The following CEP128 variants were observed in gnomAD, a reference collection of about 807,000 sequenced individuals.
CEP128 encodes the protein centrosomal protein 128kDa.
In CEP128, 132 loss-of-function variants were observed where a neutral mutation model predicts 156.7. That is an observed-to-expected ratio of 0.84 (90% CI 0.73 to 0.97). The LOEUF is 0.97. Ranked by LOEUF, CEP128 falls within the 50% of genes least tolerant of loss-of-function variation. The pLI is 0.00. For missense variants in CEP128, 1,252 were observed against 1,281.9 expected (o/e 0.98, Z 0.36); for synonymous variants, 469 against 448.9 (o/e 1.04, Z -0.57).
intron 19 of CEP128, among the ~76,000 whole-genome samples, chr14:80,673,525 A>C (rs8020240): frequency 0.38 from 53,576 of 140,398 alleles, 12,567 homozygotes; most frequent in Non-Finnish European, 0.5. Context: ...GGGCGCCTGT[A>C]GTCCCAGCTA....
chr14:80,738,047 G>C (rs771224967), intron 19 of CEP128, among the ~76,000 whole-genome samples: 13 of 152,090 alleles, frequency 8.5e-5, no homozygotes, highest in Non-Finnish European at 1.6e-4. Flanking sequence ...TTCCTGTTTT[G>C]GGACTAAAGG....
intron 20 of CEP128, among the ~76,000 whole-genome samples, chr14:80,574,831 A>G (rs1439370480): frequency 6.6e-6 from 1 of 152,126 alleles, no homozygotes; most frequent in Non-Finnish European, 1.5e-5. Flanking sequence ...TTGAGGTGAC[A>G]AAAACAAAAT....
chr14:80,735,073 T>G (rs1898465907), intron 19 of CEP128, among the ~76,000 whole-genome samples: 2 of 152,232 alleles, frequency 1.3e-5, no homozygotes, highest in Non-Finnish European at 2.9e-5. Flanking sequence ...CCAAAACAAC[T>G]TCTTCTTGGT....
At chr14:80,948,515 A>G (rs1566732231) in intron 2 of CEP128, among the ~76,000 whole-genome samples, 1 of 152,230 alleles carries the variant, frequency 6.6e-6, no homozygotes, top group East Asian at 1.9e-4. Flanking sequence ...ATAACTAATC[A>G]ATAAAGAGGT....
intron 2 of CEP128, among the ~76,000 whole-genome samples, chr14:80,950,995 A>T (rs1886454023): frequency 6.6e-6 from 1 of 152,114 alleles, no homozygotes; most frequent in Admixed American, 6.6e-5. Context: ...GCAACAAGAA[A>T]ATGAAGCAAT....
chr14:80,624,746 C>A (rs999822372), intron 19 of CEP128, among the ~76,000 whole-genome samples: 13 of 151,870 alleles, frequency 8.6e-5, no homozygotes, highest in African/African-American at 2.9e-4. Flanking sequence ...CTACTCAGAC[C>A]CTTGGCCCAT....
downstream of CEP128, among the ~76,000 whole-genome samples, chr14:80,491,545 G>A (rs929241371): frequency 6.6e-6 from 1 of 152,136 alleles, no homozygotes; most frequent in African/African-American, 2.4e-5. Flanking sequence ...CATTATGATG[G>A]GAAGTTTCAA....
chr14:80,677,320 G>T (rs140271099), intron 19 of CEP128, among the ~76,000 whole-genome samples: 33 of 152,072 alleles, frequency 2.2e-4, no homozygotes, highest in African/African-American at 7.2e-4. Flanking sequence ...GACCAGCCTG[G>T]CCAACATGGT....
intron 8 of CEP128, among the ~76,000 whole-genome samples, chr14:80,890,851 T>C (rs922751542): frequency 2.0e-5 from 3 of 151,956 alleles, no homozygotes; most frequent in African/African-American, 7.3e-5. Flanking sequence ...AACAACTCTA[T>C]AGGAAAAGAT....
intron 19 of CEP128, among the ~76,000 whole-genome samples, chr14:80,620,263 G>C (rs1893422339): frequency 6.6e-6 from 1 of 152,134 alleles, no homozygotes; most frequent in Admixed American, 6.5e-5. Flanking sequence ...GACAGGATGA[G>C]AAATTCCAAC....
chr14:80,930,830 A>G (rs1885418665), intron 2 of CEP128, among the ~76,000 whole-genome samples: 1 of 152,258 alleles, frequency 6.6e-6, no homozygotes, highest in Non-Finnish European at 1.5e-5. Flanking sequence ...GGCTAACCAC[A>G]TTGCTAAAGC....
At chr14:80,608,766 A>G (rs1566808766) in intron 19 of CEP128, among the ~76,000 whole-genome samples, 1 of 152,310 alleles carries the variant, frequency 6.6e-6, no homozygotes, top group East Asian at 1.9e-4. Context: ...AAGCTTTCCC[A>G]CGTGGGGTTA....
intron 22 of CEP128, among the ~76,000 whole-genome samples, chr14:80,529,570 T>C (rs1889132096): frequency 1.3e-5 from 2 of 152,194 alleles, no homozygotes; most frequent in African/African-American, 2.4e-5. Context: ...TATCTATTTC[T>C]CAGTGACAAG....
Position 80,899,980 on chromosome 14 carries a change from C to T in CEP128, c.530G>A (p.Arg177His), listed in dbSNP as rs561372195. 3.0e-5 allele frequency: 48 copies of T among 1,613,582 alleles called. No homozygotes were observed. Among genetic ancestry groups the T allele is most frequent in the East Asian group, 2.9e-4 (13 of 44,844 alleles). Residue 177 changes from arginine to histidine, a missense_variant, in exon 7 of 25, where the codon CGC becomes CAC. Arg to His is a conservative substitution (Grantham distance 29). Coordinates refer to ENST00000555265, the MANE Select transcript of CEP128 (RefSeq NM_152446.5). ...SLRDLSSEQI[R>H]LGDDFNRELS... ...CTCCCTGTTGAAATCATCTCCAAGG[C>T]GAATTTGTTCACTGCTGAGGTCTCG... is the stretch of plus-strand genomic sequence containing the variant.
chr14:80,737,261 A>C (rs1038774211), intron 19 of CEP128, among the ~76,000 whole-genome samples: 6 of 152,000 alleles, frequency 3.9e-5, no homozygotes, highest in African/African-American at 1.4e-4. Context: ...AAAATTAGCC[A>C]GGCGTGGTGG....
At chr14:80,922,481 TAAA>T (rs1159364769) in intron 2 of CEP128, among the ~76,000 whole-genome samples, 1 of 152,194 alleles carries the variant, frequency 6.6e-6, no homozygotes, top group Non-Finnish European at 1.5e-5. Flanking sequence ...ATGACTCACT[TAAA>T]GAAACATTCT....
At chr14:80,827,948 T>C (rs1388977287) in intron 13 of CEP128, among the ~76,000 whole-genome samples, 1 of 152,006 alleles carries the variant, frequency 6.6e-6, no homozygotes, top group Non-Finnish European at 1.5e-5. Flanking sequence ...TATGAGCCAG[T>C]CTCCTGGGTC....
At chr14:80,550,227 GA>G (rs1291983964) in intron 21 of CEP128, among the ~76,000 whole-genome samples, 1 of 152,162 alleles carries the variant, frequency 6.6e-6, no homozygotes, top group Non-Finnish European at 1.5e-5. Flanking sequence ...AGGGAGATAA[GA>G]TTTTTTAAGT....
chr14:80,553,261 T>A (rs1295053949), intron 21 of CEP128, among the ~76,000 whole-genome samples: 3 of 152,092 alleles, frequency 2.0e-5, no homozygotes, highest in Non-Finnish European at 4.4e-5. Context: ...CCAACCGACA[T>A]GCCCTAGTGT....
Sources: allele counts gnomAD v4.1 joint callset (sites outside exome capture counted in the v4.1 genomes callset), GRCh38; gene constraint gnomAD v4.1.1; transcripts MANE v1.5; gene names NCBI Gene and HGNC (gene_info 2026-07-23, HGNC 2026-07-21).